The following FUT9 variants were observed in gnomAD, a reference collection of about 807,000 sequenced individuals.
FUT9 encodes the protein fucosyltransferase 9.
A neutral mutation model predicts 29.7 loss-of-function variants in FUT9; 15 were observed. That is an observed-to-expected ratio of 0.51 (90% CI 0.34 to 0.78). The LOEUF is 0.78. Among genes scored for constraint, FUT9 ranks in the 30% least tolerant of loss-of-function variants. The pLI, the probability that FUT9 is intolerant of heterozygous loss-of-function variation, is 0.01. For missense variants in FUT9, 319 were observed against 425.4 expected, an observed-to-expected ratio of 0.75 and a Z score of 2.20; for synonymous variants, 169 against 153.7, an observed-to-expected ratio of 1.10 and a Z score of -0.74.
At chr6:96,189,075 T>C (rs894230211) in intron 2 of FUT9, among the ~76,000 whole-genome samples, 6 of 152,064 alleles carry the variant, frequency 3.9e-5, no homozygotes, top group Admixed American at 3.9e-4. Flanking sequence ...GGGGTTTTGA[T>C]TTAGTGTGTT....
At chr6:96,132,825 A>G (rs1308786006) in intron 2 of FUT9, among the ~76,000 whole-genome samples, 1 of 152,266 alleles carries the variant, frequency 6.6e-6, no homozygotes, top group East Asian at 1.9e-4. Flanking sequence ...TAATTGCCCA[A>G]GCAAAAAAAC....
chr6:96,170,806 G>A (rs970095656), intron 2 of FUT9, among the ~76,000 whole-genome samples: 1 of 152,130 alleles, frequency 6.6e-6, no homozygotes, highest in African/African-American at 2.4e-5. Context: ...TGGGGATTGT[G>A]CTCTGAGTCA....
At chr6:96,142,273 A>C (rs1467000265) in intron 2 of FUT9, among the ~76,000 whole-genome samples, 1 of 152,230 alleles carries the variant, frequency 6.6e-6, no homozygotes, top group African/African-American at 2.4e-5. Context: ...TAAAGATAAG[A>C]GTAATCTCAT....
At chr6:96,130,604 A>G (rs779994618) in intron 2 of FUT9, among the ~76,000 whole-genome samples, 1 of 152,202 alleles carries the variant, frequency 6.6e-6, no homozygotes, top group Non-Finnish European at 1.5e-5. Context: ...GATCATTGCT[A>G]TAATTATGAA....
At chr6:96,029,088 G>T (rs1276251587) in intron 1 of FUT9, among the ~76,000 whole-genome samples, 2 of 151,550 alleles carry the variant, frequency 1.3e-5, no homozygotes, top group Non-Finnish European at 3.0e-5. Flanking sequence ...TTCAGGAAAT[G>T]ATAGGTTCCT....
chr6:96,034,457 T>C (rs912693553), intron 1 of FUT9, among the ~76,000 whole-genome samples: 5 of 151,696 alleles, frequency 3.3e-5, no homozygotes, highest in Non-Finnish European at 5.9e-5. Context: ...AATACCAAAA[T>C]GGACCATAAA....
rs533930241 is a variant in FUT9, at chr6:96,143,464, T to C, written c.-9+29337T>C. 2.6e-5 allele frequency among the ~76,000 whole-genome samples: 4 copies of C among 152,288 alleles called. No individual in the cohort carries two copies. The South Asian group carries it at 6.2e-4, about 24-fold the overall frequency. ...CAGATAGTTCATATGGTTCCTTCCT[T>C]CATTCATTCCTTCTTTCCTTTTTTC... On this transcript the variant is annotated intron_variant, in intron 2 of 2. Coordinates refer to ENST00000302103, the MANE Select transcript of FUT9 (RefSeq NM_006581.4).
rs542014439 is a variant in FUT9, at chr6:96,213,440, T to G, written c.*9205T>G. On this transcript the variant is annotated 3_prime_UTR_variant, in exon 3 of 3. Coordinates refer to ENST00000302103, the MANE Select transcript of FUT9 (RefSeq NM_006581.4). Reference sequence around the variant, plus strand: ...TTGTAAGGGTCAGTAATCCATAAATTATTTGGATGGTAATTGTATGTTTTA... The same window carrying G: ...TTGTAAGGGTCAGTAATCCATAAATGATTTGGATGGTAATTGTATGTTTTA... 1 of 166,998 alleles carries G rather than the reference T, an allele frequency of 6.0e-6. No homozygotes were observed. Among genetic ancestry groups the G allele is most frequent in the Non-Finnish European group, 1.5e-5 (1 of 68,022 alleles). 10.3% of individuals were successfully genotyped at this position (166,998 alleles called of 1,614,324 possible).
chr6:96,137,642 G>A (rs1280123342), intron 2 of FUT9, among the ~76,000 whole-genome samples: 5 of 152,098 alleles, frequency 3.3e-5, no homozygotes, highest in East Asian at 1.9e-4. Flanking sequence ...ATGATGTGAT[G>A]AGAATGACAT....
Position 96,123,455 on chromosome 6 carries a change from G to GT in FUT9, c.-9+9329dup, listed in dbSNP as rs984684811. On this transcript the variant is annotated intron_variant, in intron 2 of 2. Transcript: ENST00000302103. Reference sequence around the variant, plus strand: ...CAGTTACTGGTTGACTTCCAGAGGCGTAAGTGTATTGACGTCATTTGTAGA... The same window carrying GT: ...CAGTTACTGGTTGACTTCCAGAGGCGTTAAGTGTATTGACGTCATTTGTAGA... Among the ~76,000 whole-genome samples the GT allele has an allele frequency of 1.1e-3, 163 of 152,320 alleles. 1 individual carries two copies. The highest frequency in any genetic ancestry group is 3.7e-3 in the African/African-American group (152 of 41,590).
At chr6:96,033,666 C>T (rs9322616) in intron 1 of FUT9, among the ~76,000 whole-genome samples, 2 of 151,302 alleles carry the variant, frequency 1.3e-5, no homozygotes, top group African/African-American at 4.8e-5. Flanking sequence ...ATATGTTAGA[C>T]AGCTAATTTT....
chr6:96,059,957 C>A (rs1770843655), intron 1 of FUT9, among the ~76,000 whole-genome samples: 1 of 152,108 alleles, frequency 6.6e-6, no homozygotes, highest in Non-Finnish European at 1.5e-5. Context: ...TTTTTATAGT[C>A]TCATAGCTCT....
At chr6:96,100,583 A>G (rs1294546953) in intron 1 of FUT9, among the ~76,000 whole-genome samples, 1 of 152,200 alleles carries the variant, frequency 6.6e-6, no homozygotes, top group Non-Finnish European at 1.5e-5. Flanking sequence ...AACTCTGGAG[A>G]TAGCTAAAGA....
chr6:96,090,501 TA>T (rs1771393648), intron 1 of FUT9, among the ~76,000 whole-genome samples: 1 of 151,888 alleles, frequency 6.6e-6, no homozygotes, highest in Non-Finnish European at 1.5e-5. Context: ...CAAATTTTAC[TA>T]TTTATATAGT....
intron 1 of FUT9, among the ~76,000 whole-genome samples, chr6:96,031,150 T>A (rs1770253851): frequency 6.6e-6 from 1 of 151,568 alleles, no homozygotes; most frequent in South Asian, 2.1e-4. Flanking sequence ...ATTAGGTAGG[T>A]CTACATGTTA....
chr6:96,074,657 A>G (rs910972965), intron 1 of FUT9, among the ~76,000 whole-genome samples: 2 of 152,220 alleles, frequency 1.3e-5, no homozygotes, highest in Non-Finnish European at 2.9e-5. Context: ...GGTCACCTAT[A>G]TAACTATAGT....
At chr6:96,049,137 G>A (rs1770618547) in intron 1 of FUT9, among the ~76,000 whole-genome samples, 1 of 152,152 alleles carries the variant, frequency 6.6e-6, no homozygotes, top group African/African-American at 2.4e-5. Flanking sequence ...CTTGAAGTAA[G>A]GGTTTGATTG....
intron 1 of FUT9, among the ~76,000 whole-genome samples, chr6:96,078,622 G>A (rs1432994276): frequency 6.6e-6 from 1 of 151,348 alleles, no homozygotes; most frequent in African/African-American, 2.4e-5. Context: ...GGGTTTCACC[G>A]TGTTAGCCAG....
intron 1 of FUT9, among the ~76,000 whole-genome samples, chr6:96,021,316 T>A (rs1016037114): frequency 1.3e-5 from 2 of 151,906 alleles, no homozygotes; most frequent in African/African-American, 4.8e-5. Context: ...CAGGAACCTA[T>A]TAGTAGTATG....
Sources: allele counts gnomAD v4.1 joint callset (sites outside exome capture counted in the v4.1 genomes callset), GRCh38; gene constraint gnomAD v4.1.1; transcripts MANE v1.5; gene names NCBI Gene and HGNC (gene_info 2026-07-23, HGNC 2026-07-21).